The following ALK variants were observed in gnomAD, a reference collection of about 807,000 sequenced individuals.
ALK encodes ALK receptor tyrosine kinase.
In ALK, 74 loss-of-function variants were observed where a neutral mutation model predicts 163.1. That is an observed-to-expected ratio of 0.45 (90% CI 0.38 to 0.55). The LOEUF is 0.55. Among genes scored for constraint, ALK ranks in the 20% least tolerant of loss-of-function variants. The pLI, the probability that ALK is intolerant of heterozygous loss-of-function variation, is 0.00. For missense variants in ALK, 2,063 were observed against 2,105.3 expected, an observed-to-expected ratio of 0.98 and a Z score of 0.39; for synonymous variants, 960 against 843.2, an observed-to-expected ratio of 1.14 and a Z score of -2.40.
intron 1 of ALK, among the ~76,000 whole-genome samples, chr2:29,728,551 G>C (rs1335085625): frequency 6.6e-6 from 1 of 152,226 alleles, no homozygotes; most frequent in African/African-American, 2.4e-5. Context: ...GAAGGAGACA[G>C]ACACAACCCT....
At chr2:29,382,935 G>A (rs745877668) in intron 5 of ALK, among the ~76,000 whole-genome samples, 8 of 152,162 alleles carry the variant, frequency 5.3e-5, no homozygotes, top group Non-Finnish European at 8.8e-5. Context: ...GGTTGGTGAG[G>A]GGTCAGTAGG....
intron 1 of ALK, among the ~76,000 whole-genome samples, chr2:29,851,560 G>A (rs1009625372): frequency 6.6e-6 from 1 of 152,178 alleles, no homozygotes; most frequent in African/African-American, 2.4e-5. Flanking sequence ...GCTTAGGTAG[G>A]AATCAGGCAC....
At chr2:29,371,319 T>C (rs1040051594) in intron 5 of ALK, among the ~76,000 whole-genome samples, 5 of 152,244 alleles carry the variant, frequency 3.3e-5, no homozygotes, top group Admixed American at 1.3e-4. Context: ...ATCCCAGCAG[T>C]ACACTTTCTG....
At chr2:29,515,747 T>G (rs1672643618) in intron 4 of ALK, among the ~76,000 whole-genome samples, 1 of 152,178 alleles carries the variant, frequency 6.6e-6, no homozygotes, top group Non-Finnish European at 1.5e-5. Context: ...GTAACCAACT[T>G]TAGAAGCATA....
intron 1 of ALK, among the ~76,000 whole-genome samples, chr2:29,866,755 G>C (rs1241447163): frequency 6.6e-6 from 1 of 152,196 alleles, no homozygotes; most frequent in African/African-American, 2.4e-5. Flanking sequence ...AGAAGAGTCT[G>C]AAAGAAAATT....
At chr2:29,324,220 G>A (rs905702626) in intron 6 of ALK, among the ~76,000 whole-genome samples, 7 of 152,224 alleles carry the variant, frequency 4.6e-5, no homozygotes. Flanking sequence ...AGACAAATTG[G>A]TACAGTCATG....
chr2:29,816,401 T>C (rs967128430), intron 1 of ALK, among the ~76,000 whole-genome samples: 8 of 152,200 alleles, frequency 5.3e-5, no homozygotes, highest in Admixed American at 2.0e-4. Flanking sequence ...GAAAGTGCTT[T>C]GTAAACAGTG....
intron 4 of ALK, among the ~76,000 whole-genome samples, chr2:29,421,421 A>G (rs530958531): frequency 1.3e-5 from 2 of 151,644 alleles, no homozygotes; most frequent in African/African-American, 2.4e-5. Flanking sequence ...TTGAGCACCT[A>G]TCACGTGTCA....
At position 29,272,615 on chromosome 2, in the gene ALK, G is replaced by T. The variant is rs1369232300; in HGVS notation, c.2041+2484C>A. ...TTGCGTTTCTAGTTCTCTAAAGCCT[G>T]CCCGGAGGAGAGTTGAAATGCCACC... On this transcript the variant is annotated intron_variant, in intron 11 of 28. Coordinates refer to ENST00000389048, the MANE Select transcript of ALK (RefSeq NM_004304.5). 2.0e-5 allele frequency among the ~76,000 whole-genome samples: 3 copies of T among 152,208 alleles called. No individual in the cohort carries two copies. In the East Asian group the frequency reaches 5.8e-4, roughly 29 times the overall value.
At chr2:29,235,142 G>A (rs548338099) in intron 13 of ALK, among the ~76,000 whole-genome samples, 1 of 152,362 alleles carries the variant, frequency 6.6e-6, no homozygotes, top group East Asian at 1.9e-4. Flanking sequence ...GAAGAAGTAG[G>A]ATGGTGCTTC....
intron 1 of ALK, among the ~76,000 whole-genome samples, chr2:29,905,064 G>A (rs1667504361): frequency 6.6e-6 from 1 of 152,220 alleles, no homozygotes; most frequent in Non-Finnish European, 1.5e-5. Context: ...GGACATGTGG[G>A]TTGTGGGTCC....
At chr2:29,645,607 A>G (rs1676849819) in intron 3 of ALK, among the ~76,000 whole-genome samples, 2 of 152,152 alleles carry the variant, frequency 1.3e-5, no homozygotes, top group South Asian at 4.1e-4. Context: ...ACTTGGTGGA[A>G]TGGACCAGGG....
chr2:29,835,418 G>A (rs965059072), intron 1 of ALK, among the ~76,000 whole-genome samples: 6 of 152,274 alleles, frequency 3.9e-5, no homozygotes, highest in Middle Eastern at 6.8e-3. Flanking sequence ...GACAAGAAAC[G>A]ATGTGTCTTC....
chr2:29,814,034 C>G (rs1380805193), intron 1 of ALK, among the ~76,000 whole-genome samples: 1 of 152,128 alleles, frequency 6.6e-6, no homozygotes, highest in Non-Finnish European at 1.5e-5. Context: ...CACAGTGGTA[C>G]AAGGAATAAA....
chr2:29,713,538 C>T (rs72851914), intron 2 of ALK, among the ~76,000 whole-genome samples: 13,633 of 152,170 alleles, frequency 0.09, 1,253 homozygotes, highest in African/African-American at 0.24. Context: ...AGACATCAGA[C>T]TGATCATTTA....
At chr2:29,747,197 T>G (rs1382338255) in intron 1 of ALK, among the ~76,000 whole-genome samples, 1 of 152,176 alleles carries the variant, frequency 6.6e-6, no homozygotes, top group African/African-American at 2.4e-5. Context: ...TATGGAAAAC[T>G]AGAGGGAAAA....
At chr2:29,239,129 T>G (rs1030390472) in intron 13 of ALK, among the ~76,000 whole-genome samples, 10 of 152,244 alleles carry the variant, frequency 6.6e-5, no homozygotes, top group African/African-American at 2.4e-4. Flanking sequence ...AGCTTACTCC[T>G]GTCGTTTCAC....
At chr2:29,340,950 T>G (rs1488881483) in intron 5 of ALK, among the ~76,000 whole-genome samples, 2 of 152,220 alleles carry the variant, frequency 1.3e-5, no homozygotes, top group African/African-American at 4.8e-5. Context: ...GTAGTCTGTC[T>G]GCCTGACTAG....
At chr2:29,554,266 A>C (rs1173067064) in intron 3 of ALK, among the ~76,000 whole-genome samples, 1 of 152,240 alleles carries the variant, frequency 6.6e-6, no homozygotes, top group East Asian at 1.9e-4. Flanking sequence ...ACCTTTGTAA[A>C]GAGTCACTAA....
Sources: allele counts gnomAD v4.1 joint callset (sites outside exome capture counted in the v4.1 genomes callset), GRCh38; gene constraint gnomAD v4.1.1; transcripts MANE v1.5; gene names NCBI Gene and HGNC (gene_info 2026-07-23, HGNC 2026-07-21).